MTAP: variants seen among roughly 807,000 people sequenced by gnomAD.
MTAP encodes methylthioadenosine phosphorylase.
A neutral mutation model predicts 33.6 loss-of-function variants in MTAP; 33 were observed. The ratio of observed to expected loss-of-function variants is 0.98; its 90% CI spans 0.74 to 1.31. MTAP has a LOEUF of 1.31. MTAP is among the 40% of genes most tolerant of loss of function. MTAP has a pLI of 0.00. For missense variants in MTAP, 367 were observed against 360.0 expected (o/e 1.02, Z -0.16); for synonymous variants, 148 against 125.7 (o/e 1.18, Z -1.19).
chr9:21,810,363 T>C (rs754314953), intron 1 of MTAP, among the ~76,000 whole-genome samples: 11 of 152,178 alleles, frequency 7.2e-5, no homozygotes, highest in Non-Finnish European at 1.6e-4. Flanking sequence ...CAGGGTAATT[T>C]ATAAAGAGAA....
chr9:21,826,544 G>A (rs1367813301), intron 4 of MTAP, among the ~76,000 whole-genome samples: 1 of 151,506 alleles, frequency 6.6e-6, no homozygotes, highest in African/African-American at 2.4e-5. Context: ...CTGTCGGAAG[G>A]CATGTGATGT....
chr9:21,901,027 G>C (rs12236681), intron 1 of MTAP, among the ~76,000 whole-genome samples: 40,160 of 152,094 alleles, frequency 0.26, 5,550 homozygotes, highest in Admixed American at 0.37. Flanking sequence ...AGGATGCAGA[G>C]TGAGAGGAGA....
intron 4 of MTAP, 66 bp downstream of exon 4, chr9:21,818,268 C>G: frequency 8.0e-7 from 1 of 1,254,984 alleles, no homozygotes; most frequent in Non-Finnish European, 1.1e-6. Flanking sequence ...ATGGACGACG[C>G]GTGGGAACCG....
At position 21,830,751 on chromosome 9, in the gene MTAP, A is replaced by G. The variant is rs188554208; in HGVS notation, c.348-7157A>G. On this transcript the variant is annotated intron_variant, in intron 4 of 7. Coordinates refer to ENST00000644715, the MANE Select transcript of MTAP (RefSeq NM_002451.4). ...AGCAAGTTTTTCTATTAATAGGGGAAAAAAGACCTCATAAAAGAGTCAAAG... is the reference window on the plus strand; with the variant it reads ...AGCAAGTTTTTCTATTAATAGGGGAGAAAAGACCTCATAAAAGAGTCAAAG... 4.7e-3 allele frequency among the ~76,000 whole-genome samples: 721 copies of G among 152,334 alleles called. 1 individual carries two copies. Among genetic ancestry groups the G allele is most frequent in the Non-Finnish European group, 7.7e-3 (522 of 68,026 alleles).
rs1825788696 is a variant in MTAP at position 21,863,260 on chromosome 9, T to C, written c.*1246T>C. 1 of 982,578 alleles carries C rather than the reference T, an allele frequency of 1.0e-6. No homozygotes were observed. The highest frequency in any genetic ancestry group is 6.1e-5 in the Admixed American group (1 of 16,268). 60.9% of individuals were successfully genotyped at this position (982,578 alleles called of 1,614,324 possible). On this transcript the variant is annotated 3_prime_UTR_variant, in exon 8 of 8. Coordinates refer to ENST00000644715, the MANE Select transcript of MTAP (RefSeq NM_002451.4). ...ATACGAGTTGGTAATTTTTGCTTTT[T>C]AATAAAGTGGAAGCTTGCTTTTTTA...
At chr9:21,836,539 T>G (rs1195214015) in intron 4 of MTAP, among the ~76,000 whole-genome samples, 2 of 152,166 alleles carry the variant, frequency 1.3e-5, no homozygotes, top group East Asian at 1.9e-4. Flanking sequence ...ATGTTGCTAA[T>G]GCTTGACTCA....
chr9:21,898,859 C>T (rs193075858), intron 1 of MTAP, among the ~76,000 whole-genome samples: 9 of 152,194 alleles, frequency 5.9e-5, no homozygotes, highest in Admixed American at 2.0e-4. Flanking sequence ...GAAATACCAT[C>T]TGACCCAGCC....
In MTAP at chr9:21,865,514, AT is replaced by A; in HGVS notation, c.*3502del. On this transcript the variant is annotated 3_prime_UTR_variant, in exon 8 of 8. Transcript: ENST00000644715. ...GCACACAATCTGGCTCAATGTATATATTGGCCCAGCAAGGCAAAGAACTGAA... is the reference window on the plus strand; with the variant it reads ...GCACACAATCTGGCTCAATGTATATATGGCCCAGCAAGGCAAAGAACTGAA... The A allele has an allele frequency of 2.0e-6, 2 of 985,638 alleles. No individual in the cohort carries two copies. Among genetic ancestry groups the A allele is most frequent in the Non-Finnish European group, 2.4e-6 (2 of 829,994 alleles). 61.1% of individuals were successfully genotyped at this position (985,638 alleles called of 1,614,324 possible).
chr9:21,879,794 T>G (rs1479864881), intron 1 of MTAP, among the ~76,000 whole-genome samples: 5 of 152,158 alleles, frequency 3.3e-5, no homozygotes, highest in Non-Finnish European at 5.9e-5. Flanking sequence ...CTTAGGAAGC[T>G]TAGTTCGGCT....
chr9:21,928,643 T>G (rs553827527), intron 1 of MTAP, among the ~76,000 whole-genome samples: 2 of 152,234 alleles, frequency 1.3e-5, no homozygotes, highest in Non-Finnish European at 2.9e-5. Flanking sequence ...AGGTTAGTAA[T>G]GCCCTAGGCA....
At chr9:21,861,165 T>C (rs963970638) in intron 7 of MTAP, 1 of 152,234 alleles carries the variant, frequency 6.6e-6, no homozygotes, top group African/African-American at 2.4e-5. Flanking sequence ...TTTAGCTTTA[T>C]TTTTAAGTAA....
chr9:21,879,412 C>A (rs1034337354), intron 1 of MTAP, among the ~76,000 whole-genome samples: 1 of 152,064 alleles, frequency 6.6e-6, no homozygotes, highest in Non-Finnish European at 1.5e-5. Flanking sequence ...GGTATATTTT[C>A]CGCCATCCCT....
chr9:21,834,723 T>A (rs970811552), intron 4 of MTAP, among the ~76,000 whole-genome samples: 1 of 152,220 alleles, frequency 6.6e-6, no homozygotes, highest in Non-Finnish European at 1.5e-5. Context: ...GAATAACCTT[T>A]CTATTTTAAA....
At chr9:21,940,864 T>C (rs1385100138), downstream of MTAP, 1 of 257,444 alleles carries the variant, frequency 3.9e-6, no homozygotes, top group Non-Finnish European at 6.1e-6. Flanking sequence ...ATTAGTTAAA[T>C]TGCCAACCAT....
chr9:21,894,544 C>T lies in MTAP; in HGVS notation c.148-36464C>T, dbSNP rs540437206. On this transcript the variant is annotated intron_variant, in intron 1 of 1. Transcript: ENST00000577563. ...TTCTCACTCATAGGTGGGAATTGAACAATGAGAACACTTGGACACAGGAAG... is the reference window on the plus strand; with the variant it reads ...TTCTCACTCATAGGTGGGAATTGAATAATGAGAACACTTGGACACAGGAAG... Among the ~76,000 whole-genome samples the T allele has an allele frequency of 9.4e-4, 133 of 141,756 alleles. 1 individual carries two copies. The highest frequency in any genetic ancestry group is 3.4e-3 in the Admixed American group (45 of 13,160). 93.0% of individuals were successfully genotyped at this position (141,756 alleles called of 152,430 possible).
chr9:21,869,934 G>T (rs925920761), downstream of MTAP, among the ~76,000 whole-genome samples: 1 of 152,144 alleles, frequency 6.6e-6, no homozygotes, highest in Non-Finnish European at 1.5e-5. Context: ...CATGTGATTT[G>T]CACTTGCCCT....
rs1232333647 is a variant in MTAP, at chr9:21,837,899, A to G, written c.348-9A>G. ...AACAAACAAAAACCTTTTTTGCTTT[A>G]TTTTGTAGGACCACTATGAGACCTC... On this transcript the variant is annotated splice_polypyrimidine_tract_variant and intron_variant, in intron 4 of 7. Coordinates refer to ENST00000644715, the MANE Select transcript of MTAP (RefSeq NM_002451.4). The G allele has an allele frequency of 2.5e-6, 4 of 1,606,012 alleles. No individual in the cohort carries two copies. Among genetic ancestry groups the G allele is most frequent in the African/African-American group, 2.7e-5 (2 of 74,354 alleles).
downstream of MTAP, among the ~76,000 whole-genome samples, chr9:21,940,750 C>T (rs1207248513): frequency 6.6e-6 from 1 of 152,172 alleles, no homozygotes; most frequent in African/African-American, 2.4e-5. Flanking sequence ...CATGCCTTCT[C>T]CAGGTGCACC....
chr9:21,894,502 A>G (rs1818255755), intron 1 of MTAP, among the ~76,000 whole-genome samples: 1 of 150,840 alleles, frequency 6.6e-6, no homozygotes, highest in Admixed American at 6.6e-5. Flanking sequence ...AGAAGACTCC[A>G]TAGTGAACAC....
Sources: gnomAD v4.1 joint callset for allele counts (sites outside exome capture counted in the v4.1 genomes callset) on GRCh38, gnomAD v4.1.1 for gene constraint, MANE v1.5 for transcripts, NCBI Gene and HGNC (gene_info 2026-07-23, HGNC 2026-07-21) for gene names.